Variants in SCMH1 observed in about 807,000 individuals in gnomAD.
SCMH1 encodes the protein polycomb protein SCMH1.
Under a neutral mutation model 70.8 loss-of-function variants are expected in SCMH1, and 37 were observed. The ratio of observed to expected loss-of-function variants is 0.52; its 90% CI spans 0.40 to 0.69. The LOEUF (loss-of-function observed/expected upper bound fraction) is 0.69, where lower values mean the gene tolerates loss of function less well. Ranked by LOEUF, SCMH1 falls within the 30% of genes least tolerant of loss-of-function variation. The probability of loss-of-function intolerance (pLI) is 0.00; values close to 1 mark genes in which losing one functional copy is unlikely to be tolerated. For missense variants in SCMH1, 607 were observed against 827.3 expected, an observed-to-expected ratio of 0.73 and a Z score of 3.27; for synonymous variants, 292 against 307.4, an observed-to-expected ratio of 0.95 and a Z score of 0.52.
chr1:41,087,786 C>T (rs1338275153), intron 8 of SCMH1, among the ~76,000 whole-genome samples: 1 of 151,928 alleles, frequency 6.6e-6, no homozygotes, highest in Non-Finnish European at 1.5e-5. Flanking sequence ...CCCTTGGACC[C>T]AAGAATACCG....
intron 6 of SCMH1, among the ~76,000 whole-genome samples, chr1:41,136,356 T>G: frequency 6.6e-6 from 1 of 151,938 alleles, no homozygotes; most frequent in Admixed American, 6.6e-5. Context: ...TTATTTCCCC[T>G]TTGTCATTTC....
intron 6 of SCMH1, among the ~76,000 whole-genome samples, chr1:41,142,664 A>G (rs1644205871): frequency 1.3e-5 from 2 of 152,232 alleles, no homozygotes; most frequent in Non-Finnish European, 2.9e-5. Context: ...CTTGTTAGAA[A>G]GAATTTGGAA....
intron 8 of SCMH1, among the ~76,000 whole-genome samples, chr1:41,107,064 C>G (rs938775972): frequency 6.6e-6 from 1 of 151,082 alleles, no homozygotes; most frequent in Non-Finnish European, 1.5e-5. Context: ...GTTTCCACTG[C>G]TAGAGAGAAT....
At chr1:41,065,218 C>T (rs1654173407) in intron 10 of SCMH1, among the ~76,000 whole-genome samples, 1 of 152,094 alleles carries the variant, frequency 6.6e-6, no homozygotes, top group Admixed American at 6.5e-5. Flanking sequence ...GGTGGTGGCT[C>T]ACACCTGTAA....
chr1:41,062,918 CAA>C (rs61144004), intron 10 of SCMH1, among the ~76,000 whole-genome samples: 3 of 109,864 alleles, frequency 2.7e-5, no homozygotes, highest in Admixed American at 9.8e-5. Flanking sequence ...GACTCCATCT[CAA>C]AAAAAAAAAA....
intron 1 of SCMH1, among the ~76,000 whole-genome samples, chr1:41,226,450 T>C (rs1660287611): frequency 6.6e-6 from 1 of 152,146 alleles, no homozygotes; most frequent in African/African-American, 2.4e-5. Context: ...AAGGATTACT[T>C]TTGTAAATGT....
intron 4 of SCMH1, among the ~76,000 whole-genome samples, chr1:41,154,470 T>C (rs1469533061): frequency 2.0e-5 from 3 of 152,224 alleles, no homozygotes; most frequent in Non-Finnish European, 2.9e-5. Flanking sequence ...AGATTGTATA[T>C]AGATTCTTCA....
intron 5 of SCMH1, among the ~76,000 whole-genome samples, chr1:41,144,741 T>C (rs1644399419): frequency 6.6e-6 from 1 of 152,194 alleles, no homozygotes; most frequent in Non-Finnish European, 1.5e-5. Flanking sequence ...TTCCAATTTC[T>C]ACACATTCTC....
At chr1:41,172,975 T>A (rs886716618) in intron 2 of SCMH1, among the ~76,000 whole-genome samples, 2 of 152,030 alleles carry the variant, frequency 1.3e-5, no homozygotes, top group African/African-American at 2.4e-5. Context: ...CCTGAAACTA[T>A]AAAACTACTA....
chr1:41,145,015 A>T (rs1644425471), intron 5 of SCMH1, among the ~76,000 whole-genome samples: 1 of 152,160 alleles, frequency 6.6e-6, no homozygotes, highest in Non-Finnish European at 1.5e-5. Context: ...TAATTCTCAA[A>T]TATTTTCTCC....
intron 1 of SCMH1, among the ~76,000 whole-genome samples, chr1:41,195,540 A>C (rs1166403791): frequency 6.6e-6 from 1 of 152,206 alleles, no homozygotes; most frequent in Non-Finnish European, 1.5e-5. Context: ...ATACACAATA[A>C]ACTAAGAATA....
rs1482246452 is a variant in SCMH1, at chr1:41,160,825, T to C, written c.106+50A>G. ...TTAAAACTGGTTATAATCTAATCCCTGGTTTACCAATTCCCCTTATTTAAC... is the reference window on the plus strand; with the variant it reads ...TTAAAACTGGTTATAATCTAATCCCCGGTTTACCAATTCCCCTTATTTAAC... On this transcript the variant is annotated intron_variant, in intron 4 of 14. Coordinates refer to ENST00000337495, the Ensembl canonical transcript of SCMH1. 6.6e-6 allele frequency: 10 copies of C among 1,509,870 alleles called. No homozygotes were observed. The East Asian group carries it at 2.5e-4, about 37-fold the overall frequency. 93.5% of individuals were successfully genotyped at this position (1,509,870 alleles called of 1,614,324 possible). A position where few individuals can be genotyped will look rare whatever the true frequency, so the allele number is the denominator to read the frequency against.
chr1:41,190,524 T>C (rs1250562031), intron 1 of SCMH1, among the ~76,000 whole-genome samples: 1 of 152,190 alleles, frequency 6.6e-6, no homozygotes, highest in Non-Finnish European at 1.5e-5. Flanking sequence ...AATAACCTAT[T>C]GGTGAAGATA....
At chr1:41,065,695 A>C (rs1448710883) in intron 10 of SCMH1, among the ~76,000 whole-genome samples, 6 of 152,254 alleles carry the variant, frequency 3.9e-5, no homozygotes, top group Admixed American at 1.3e-4. Context: ...ACAAAGGAGT[A>C]AAGGCAATAC....
At chr1:41,066,361 G>T (rs1424485648) in intron 10 of SCMH1, among the ~76,000 whole-genome samples, 2 of 152,124 alleles carry the variant, frequency 1.3e-5, no homozygotes, top group Non-Finnish European at 2.9e-5. Flanking sequence ...CTTACCCTTG[G>T]GAAGTCACTT....
At chr1:41,219,658 G>A (rs906282669) in intron 1 of SCMH1, among the ~76,000 whole-genome samples, 15 of 152,292 alleles carry the variant, frequency 9.8e-5, no homozygotes, top group Non-Finnish European at 1.3e-4. Flanking sequence ...GGCCGGGCAC[G>A]GTGGCTCATG....
chr1:41,208,487 TC>T (rs1656189605), intron 1 of SCMH1, among the ~76,000 whole-genome samples: 1 of 148,816 alleles, frequency 6.7e-6, no homozygotes, highest in Non-Finnish European at 1.5e-5. Flanking sequence ...AGTAAAGCAC[TC>T]CTCAGCAAAT....
At chr1:41,140,315 C>T (rs1022997305) in intron 6 of SCMH1, among the ~76,000 whole-genome samples, 7 of 149,164 alleles carry the variant, frequency 4.7e-5, no homozygotes, top group African/African-American at 9.9e-5. Context: ...TTTTTTTAGA[C>T]GCAGTCTCAG....
intron 1 of SCMH1, among the ~76,000 whole-genome samples, chr1:41,205,771 G>T (rs1159367616): frequency 3.3e-5 from 5 of 152,190 alleles, no homozygotes; most frequent in Non-Finnish European, 5.9e-5. Context: ...CTCCCAGTAG[G>T]GGCCGACTGA....
Sources: allele counts gnomAD v4.1 joint callset (sites outside exome capture counted in the v4.1 genomes callset), GRCh38; gene constraint gnomAD v4.1.1; transcripts MANE v1.5; gene names NCBI Gene and HGNC (gene_info 2026-07-23, HGNC 2026-07-21).